EPM2A: variants seen among roughly 807,000 people sequenced by gnomAD.
EPM2A encodes laforin.
In EPM2A, 21 loss-of-function variants were observed where a neutral mutation model predicts 26.5. The ratio of observed to expected loss-of-function variants is 0.79; its 90% CI spans 0.56 to 1.14. EPM2A has a LOEUF of 1.14. Among genes scored for constraint, EPM2A ranks in the 50% most tolerant of loss-of-function variants. The pLI is 0.00. For synonymous variants in EPM2A, 217 were observed against 177.6 expected, an observed-to-expected ratio of 1.22 and a Z score of -1.76; for missense variants, 458 against 440.8, an observed-to-expected ratio of 1.04 and a Z score of -0.35.
downstream of EPM2A, among the ~76,000 whole-genome samples, chr6:145,624,847 A>C (rs937633633): frequency 6.6e-6 from 1 of 152,160 alleles, no homozygotes; most frequent in Non-Finnish European, 1.5e-5. Flanking sequence ...ACCACACCTT[A>C]ATGATGGTCA....
At chr6:145,645,795 TG>T (rs574503590) in intron 2 of EPM2A, among the ~76,000 whole-genome samples, 191 of 152,222 alleles carry the variant, frequency 1.3e-3, no homozygotes, top group Admixed American at 3.4e-3. Context: ...GGTTTCGCCA[TG>T]TTGCCCAGGC....
intron 2 of EPM2A, among the ~76,000 whole-genome samples, chr6:145,683,435 T>G (rs1780695813): frequency 6.6e-6 from 1 of 151,284 alleles, no homozygotes; most frequent in Non-Finnish European, 1.5e-5. Flanking sequence ...TAAGCATAGA[T>G]ATATTTACAC....
At chr6:145,711,358 C>G (rs984555626) in intron 1 of EPM2A, among the ~76,000 whole-genome samples, 2 of 152,202 alleles carry the variant, frequency 1.3e-5, no homozygotes, top group Admixed American at 6.5e-5. Context: ...TTTCCACACA[C>G]TTGAATGACT....
chr6:145,630,615 A>T (rs1776177663), intron 3 of EPM2A: 1 of 152,168 alleles, frequency 6.6e-6, no homozygotes, highest in South Asian at 2.1e-4. Context: ...ACTCCATCTA[A>T]AAAAGAAGGG....
chr6:145,468,844 A>T (rs2114723472), intron 4 of EPM2A, among the ~76,000 whole-genome samples: 1 of 152,308 alleles, frequency 6.6e-6, no homozygotes, highest in South Asian at 2.1e-4. Context: ...AACAAAGTGA[A>T]GGAACAACCC....
chr6:145,557,393 C>A (rs1780741614), intron 2 of EPM2A, among the ~76,000 whole-genome samples: 1 of 151,680 alleles, frequency 6.6e-6, no homozygotes, highest in Non-Finnish European at 1.5e-5. Context: ...CCCCCTAAAT[C>A]CATAAAAATA....
At chr6:145,666,905 C>A (rs1348395441) in intron 2 of EPM2A, among the ~76,000 whole-genome samples, 1 of 143,848 alleles carries the variant, frequency 7.0e-6, no homozygotes, top group African/African-American at 2.8e-5. Flanking sequence ...GAAAAACAAG[C>A]AATGGGGAAA....
At chr6:145,682,374 G>A (rs702314) in intron 2 of EPM2A, 80,991 of 151,902 alleles carry the variant, frequency 0.53, 22,226 homozygotes, top group East Asian at 0.67. Context: ...GATTTGGGTC[G>A]GGACACAGCC....
chr6:145,406,719 G>A (rs9484988), intron 4 of EPM2A, among the ~76,000 whole-genome samples: 2,050 of 152,230 alleles, frequency 0.013, 43 homozygotes, highest in African/African-American at 0.044. Context: ...TTTGACTGGT[G>A]TTACCTTCAG....
At chr6:145,549,034 T>C (rs1463290865) in intron 2 of EPM2A, among the ~76,000 whole-genome samples, 2 of 152,130 alleles carry the variant, frequency 1.3e-5, no homozygotes, top group African/African-American at 4.8e-5. Flanking sequence ...GGAATAGAGA[T>C]ACCTTTATCT....
At chr6:145,600,613 T>C (rs1014440652) in intron 2 of EPM2A, among the ~76,000 whole-genome samples, 6 of 152,224 alleles carry the variant, frequency 3.9e-5, no homozygotes, top group Non-Finnish European at 7.4e-5. Flanking sequence ...CCTTCGTCTG[T>C]TTGTGACACT....
intron 4 of EPM2A, among the ~76,000 whole-genome samples, chr6:145,410,033 A>G (rs756204216): frequency 8.5e-5 from 13 of 152,210 alleles, no homozygotes; most frequent in Non-Finnish European, 1.9e-4. Context: ...CCCAAAGGTC[A>G]GCCTTGATTC....
chr6:145,388,361 C>T (rs992188210), intron 4 of EPM2A, among the ~76,000 whole-genome samples: 2 of 152,148 alleles, frequency 1.3e-5, no homozygotes, highest in East Asian at 1.9e-4. Flanking sequence ...TCTACTATAA[C>T]CATATACTAC....
chr6:145,585,953 C>T (rs1249139618), intron 2 of EPM2A, among the ~76,000 whole-genome samples: 1 of 152,216 alleles, frequency 6.6e-6, no homozygotes, highest in Non-Finnish European at 1.5e-5. Flanking sequence ...ACAGGAACTA[C>T]TCCAGTCTTG....
downstream of EPM2A, among the ~76,000 whole-genome samples, chr6:145,622,610 AC>A (rs1323214736): frequency 6.6e-6 from 1 of 152,236 alleles, no homozygotes; most frequent in East Asian, 1.9e-4. Context: ...CTGGGAGAAT[AC>A]CATGTGAAGA....
chr6:145,714,184 T>G (rs1261927215), intron 1 of EPM2A, among the ~76,000 whole-genome samples: 1 of 152,212 alleles, frequency 6.6e-6, no homozygotes, highest in Non-Finnish European at 1.5e-5. Flanking sequence ...TGTAGAGTTG[T>G]CTCTCAGTTC....
intron 4 of EPM2A, among the ~76,000 whole-genome samples, chr6:145,478,610 C>A: frequency 1.3e-5 from 2 of 151,772 alleles, no homozygotes; most frequent in East Asian, 1.9e-4. Context: ...ATTCTAACTT[C>A]TTAAGATGGA....
intron 2 of EPM2A, among the ~76,000 whole-genome samples, chr6:145,607,061 T>A (rs1414246897): frequency 2.0e-5 from 3 of 152,152 alleles, no homozygotes; most frequent in Non-Finnish European, 4.4e-5. Flanking sequence ...TTTTCTTGAC[T>A]TTACTTCCAT....
At chr6:145,705,427 C>G in intron 1 of EPM2A, 1 of 382,648 alleles carries the variant, frequency 2.6e-6, no homozygotes, top group Non-Finnish European at 5.1e-6. Context: ...GTGGCGCACA[C>G]ACCTGTAGTC....
Sources: allele counts gnomAD v4.1 joint callset (sites outside exome capture counted in the v4.1 genomes callset), GRCh38; gene constraint gnomAD v4.1.1; transcripts MANE v1.5; gene names NCBI Gene and HGNC (gene_info 2026-07-23, HGNC 2026-07-21).